Variants in EDAR observed in about 807,000 individuals in gnomAD.
The protein encoded by EDAR is ectodysplasin A receptor.
EDAR carries 38 observed loss-of-function variants against 51.3 expected under a neutral mutation model. That is an observed-to-expected ratio of 0.74 (90% CI 0.57 to 0.97). EDAR has a LOEUF of 0.97. Among genes scored for constraint, EDAR ranks in the 50% least tolerant of loss-of-function variants. The pLI is 0.00. For synonymous variants in EDAR, 227 were observed against 242.1 expected, an observed-to-expected ratio of 0.94 and a Z score of 0.58; for missense variants, 528 against 595.0, an observed-to-expected ratio of 0.89 and a Z score of 1.17.
chr2:108,906,259 A>G (rs765210519), intron 11 of EDAR, 49 bp downstream of exon 11: 5 of 1,597,886 alleles, frequency 3.1e-6, no homozygotes, highest in Non-Finnish European at 3.4e-6. Context: ...CCAGCCCTTC[A>G]TGTCGGTGGG....
intron 1 of EDAR, among the ~76,000 whole-genome samples, chr2:108,974,385 C>T (rs1395546521): frequency 7.1e-6 from 1 of 141,486 alleles, no homozygotes; most frequent in African/African-American, 2.6e-5. Context: ...TGTATTTTGT[C>T]TTAGACACGA....
chr2:108,931,654 G>A (rs549639596), intron 1 of EDAR, among the ~76,000 whole-genome samples: 1 of 152,324 alleles, frequency 6.6e-6, no homozygotes, highest in South Asian at 2.1e-4. Flanking sequence ...AGCTGTTCAG[G>A]TGTTCAGATA....
At chr2:108,937,606 GTA>G (rs1243391852) in intron 1 of EDAR, among the ~76,000 whole-genome samples, 2 of 125,498 alleles carry the variant, frequency 1.6e-5, no homozygotes, top group African/African-American at 5.5e-5. Flanking sequence ...ATGAGTGTGT[GTA>G]TATGTGTGTG....
intron 1 of EDAR, among the ~76,000 whole-genome samples, chr2:108,959,589 G>C (rs1270356825): frequency 6.6e-6 from 1 of 152,162 alleles, no homozygotes; most frequent in Non-Finnish European, 1.5e-5. Context: ...GGGCTGAGGG[G>C]AGCTGGGGCC....
chr2:108,905,981 C>T (rs548997907), intron 11 of EDAR, among the ~76,000 whole-genome samples: 13 of 152,292 alleles, frequency 8.5e-5, no homozygotes, highest in African/African-American at 2.4e-4. Context: ...AGTGTGGACA[C>T]GGTCTCTGGG....
At chr2:108,920,091 C>A (rs1263182157) in intron 5 of EDAR, among the ~76,000 whole-genome samples, 2 of 152,240 alleles carry the variant, frequency 1.3e-5, no homozygotes, top group Non-Finnish European at 2.9e-5. Context: ...ATCTCTTTCC[C>A]CTTCTGTGTG....
At chr2:108,960,357 G>A (rs538985374) in intron 1 of EDAR, among the ~76,000 whole-genome samples, 1 of 152,354 alleles carries the variant, frequency 6.6e-6, no homozygotes, top group African/African-American at 2.4e-5. Flanking sequence ...GTGGAGGGTG[G>A]TCTATGTTCT....
intron 6 of EDAR, among the ~76,000 whole-genome samples, chr2:108,911,696 T>C (rs1696931982): frequency 6.6e-6 from 1 of 152,160 alleles, no homozygotes; most frequent in Non-Finnish European, 1.5e-5. Context: ...AAGCTCATTC[T>C]CATTCTCTAA....
At chr2:108,901,411 A>C (rs911706919) in intron 11 of EDAR, among the ~76,000 whole-genome samples, 1 of 152,224 alleles carries the variant, frequency 6.6e-6, no homozygotes, top group African/African-American at 2.4e-5. Context: ...CATTTCAAGC[A>C]CTTAGAAAAA....
Position 108,929,395 on chromosome 2 carries a change from G to A in EDAR, c.175-16C>T, listed in dbSNP as rs755804584. ...AGCCACAGGACTGTCCAGGGAAAGA[G>A]GACAGGGGACACAGGTGAGTGCAGC... On this transcript the variant is annotated splice_polypyrimidine_tract_variant and intron_variant, in intron 3 of 11. Transcript: ENST00000258443. 1 of 1,613,826 alleles carries A rather than the reference G, an allele frequency of 6.2e-7. No homozygotes were observed. The highest frequency in any genetic ancestry group is 8.5e-7 in the Non-Finnish European group (1 of 1,179,852).
chr2:108,973,906 A>G (rs1698276123), intron 1 of EDAR, among the ~76,000 whole-genome samples: 1 of 152,216 alleles, frequency 6.6e-6, no homozygotes, highest in Admixed American at 6.5e-5. Flanking sequence ...CAAGGCTCTT[A>G]CCCATTTTAA....
chr2:108,962,412 G>A (rs1049766032), intron 1 of EDAR, among the ~76,000 whole-genome samples: 3 of 152,094 alleles, frequency 2.0e-5, no homozygotes, highest in Admixed American at 6.5e-5. Context: ...GGTGGCTCAC[G>A]CCTGTAATCC....
intron 1 of EDAR, among the ~76,000 whole-genome samples, chr2:108,942,599 G>A (rs1324202624): frequency 6.6e-6 from 1 of 152,240 alleles, no homozygotes; most frequent in Non-Finnish European, 1.5e-5. Context: ...GTGAGTCTGC[G>A]CTGAGTGAGG....
chr2:108,952,897 T>G (rs1035318871), intron 1 of EDAR, among the ~76,000 whole-genome samples: 7 of 152,238 alleles, frequency 4.6e-5, no homozygotes, highest in Admixed American at 1.3e-4. Context: ...TTGACTTTTT[T>G]CTTTATTAGG....
At chr2:108,929,565 C>T (rs1274677296) in intron 3 of EDAR, among the ~76,000 whole-genome samples, 186 bp from the exon 4 acceptor site, 2 of 152,234 alleles carry the variant, frequency 1.3e-5, no homozygotes, top group African/African-American at 4.8e-5. Flanking sequence ...GGGCTTGCCC[C>T]TCTCCTCGCC....
intron 1 of EDAR, among the ~76,000 whole-genome samples, chr2:108,934,971 T>C (rs1440645274): frequency 6.6e-6 from 1 of 152,156 alleles, no homozygotes; most frequent in Non-Finnish European, 1.5e-5. Context: ...AGTTCAGGGG[T>C]TGTGAAGCCA....
rs780424781 is a variant in EDAR at position 108,929,289 on chromosome 2, G to A, written c.265C>T (p.Arg89Cys). 43 of 1,614,060 alleles carry A rather than the reference G, an allele frequency of 2.7e-5. No individual in the cohort carries two copies. Among genetic ancestry groups the A allele is most frequent in the Non-Finnish European group, 3.4e-5 (40 of 1,180,036 alleles). ...FSKGGYQICR[R>C]HKDCEGFFRA... ...AAGAAGCCCTCACAGTCTTTGTGAC[G>A]CCTGCATATCTGGTAGCCTCCTTTG... Residue 89 changes from arginine (R) to cysteine (C), a missense_variant, in exon 4 of 12, where the codon CGT becomes TGT. Arg to Cys is a radical substitution (Grantham distance 180, BLOSUM62 -3). Coordinates refer to ENST00000258443, the MANE Select transcript of EDAR (RefSeq NM_022336.4).
chr2:108,948,459 G>A lies in EDAR; in HGVS notation c.-18-17427C>T, dbSNP rs187114908. On this transcript the variant is annotated intron_variant, in intron 1 of 11. Coordinates refer to ENST00000258443, the MANE Select transcript of EDAR (RefSeq NM_022336.4). ...CAGTACCAATTCTCTGTATTAGTCC[G>A]TTCTCACACTGCTATAAAGATACTA... Among the ~76,000 whole-genome samples the A allele has an allele frequency of 3.5e-4, 54 of 152,244 alleles. 1 individual carries two copies. In the East Asian group the frequency reaches 7.1e-3, roughly 20 times the overall value.
At chr2:108,960,148 G>A (rs1698011194) in intron 1 of EDAR, among the ~76,000 whole-genome samples, 2 of 152,176 alleles carry the variant, frequency 1.3e-5, no homozygotes, top group Non-Finnish European at 1.5e-5. Flanking sequence ...AGCGGGGTGG[G>A]GATCCCAGCC....
Sources: gnomAD v4.1 joint callset for allele counts (sites outside exome capture counted in the v4.1 genomes callset) on GRCh38, gnomAD v4.1.1 for gene constraint, MANE v1.5 for transcripts, NCBI Gene and HGNC (gene_info 2026-07-23, HGNC 2026-07-21) for gene names.